The following ZNF713 variants were observed in gnomAD, a reference collection of about 807,000 sequenced individuals.
ZNF713 encodes zinc finger protein 713.
Under a neutral mutation model 28.7 loss-of-function variants are expected in ZNF713, and 21 were observed. That is an observed-to-expected ratio of 0.73 (90% CI 0.52 to 1.05). ZNF713 has a LOEUF of 1.05. Ranked by LOEUF, ZNF713 falls within the 50% of genes least tolerant of loss-of-function variation. The pLI is 0.00. For missense variants in ZNF713, 458 were observed against 532.4 expected, an observed-to-expected ratio of 0.86 and a Z score of 1.37; for synonymous variants, 167 against 178.0, an observed-to-expected ratio of 0.94 and a Z score of 0.49.
At chr7:55,895,084 T>C (rs1785449427) in intron 1 of ZNF713, among the ~76,000 whole-genome samples, 1 of 152,138 alleles carries the variant, frequency 6.6e-6, no homozygotes. Context: ...GGTATTTCCA[T>C]GGTAGAGAGG....
chr7:55,934,952 G>A (rs111670187), intron 6 of ZNF713, among the ~76,000 whole-genome samples: 22 of 147,058 alleles, frequency 1.5e-4, no homozygotes, highest in African/African-American at 4.8e-4. Context: ...GCAGTGGCAC[G>A]ATCTTGGCTC....
At chr7:55,889,144 C>T (rs1363439780) in intron 1 of ZNF713, among the ~76,000 whole-genome samples, 5 of 151,336 alleles carry the variant, frequency 3.3e-5, no homozygotes, top group African/African-American at 1.2e-4. Flanking sequence ...TCCTGTTGCC[C>T]AGGCTGGAGT....
Position 55,941,789 on chromosome 7 carries a change from G to A in ZNF713, c.*1783G>A, listed in dbSNP as rs1295777941. 2.6e-5 allele frequency: 4 copies of A among 151,952 alleles called. No homozygotes were observed. Among genetic ancestry groups the A allele is most frequent in the South Asian group, 2.1e-4 (1 of 4,820 alleles). 9.4% of individuals were successfully genotyped at this position (151,952 alleles called of 1,614,324 possible). A position where few individuals can be genotyped will look rare whatever the true frequency, so the allele number is the denominator to read the frequency against. Reference sequence around the variant, plus strand: ...TGTCCCCCCAAAAATCTTGTGTGCCGTTGTTTGAGAAACAGTGTGATAGTT... The same window carrying A: ...TGTCCCCCCAAAAATCTTGTGTGCCATTGTTTGAGAAACAGTGTGATAGTT... On this transcript the variant is annotated 3_prime_UTR_variant, in exon 7 of 7. Coordinates refer to ENST00000429591, the MANE Select transcript of ZNF713 (RefSeq NM_182633.3).
At chr7:55,933,970 G>T (rs1051957156) in intron 6 of ZNF713, among the ~76,000 whole-genome samples, 34 of 152,302 alleles carry the variant, frequency 2.2e-4, no homozygotes, top group African/African-American at 7.9e-4. Context: ...CTCCCAAAGT[G>T]CTGGGATTAC....
chr7:55,892,080 C>A (rs1438172405), intron 1 of ZNF713, among the ~76,000 whole-genome samples: 1 of 151,718 alleles, frequency 6.6e-6, no homozygotes, highest in East Asian at 2.0e-4. Flanking sequence ...GAGATCGAGA[C>A]CATCCTGGCT....
At chr7:55,919,513 T>TTTTTTGTTTTTTG (rs1785950523) in intron 4 of ZNF713, among the ~76,000 whole-genome samples, 6 of 94,486 alleles carry the variant, frequency 6.4e-5, no homozygotes, top group Admixed American at 1.1e-4. Flanking sequence ...TTTTTTTTTT[T>TTTTTTGTTTTTTG]TTTTTTTTTT....
At chr7:55,908,077 C>T (rs1199768477) in intron 2 of ZNF713, among the ~76,000 whole-genome samples, 1 of 151,198 alleles carries the variant, frequency 6.6e-6, no homozygotes, top group Admixed American at 6.6e-5. Flanking sequence ...AATTTACATT[C>T]CCACCAGCAG....
Position 55,887,645 on chromosome 7 carries a change from G to GCGGCGGCGGC in ZNF713, c.-618_-617insCGGCGGCGGC, listed in dbSNP as rs1562730825. 2.7e-5 allele frequency: 5 copies of GCGGCGGCGGC among 182,616 alleles called. No individual in the cohort carries two copies. The highest frequency in any genetic ancestry group is 6.5e-5 in the Admixed American group (1 of 15,476). 11.3% of individuals were successfully genotyped at this position (182,616 alleles called of 1,614,324 possible). On this transcript the variant is annotated 5_prime_UTR_variant, in exon 1 of 7. Transcript: ENST00000429591. ...CGGCGGCGGCGGCGGCGGCGTCAGGGGGCGGAGCCTGCCGAAGCGCCCTTT... is the reference window on the plus strand; with the variant it reads ...CGGCGGCGGCGGCGGCGGCGTCAGGGCGGCGGCGGCGGCGGAGCCTGCCGAAGCGCCCTTT...
intron 1 of ZNF713, among the ~76,000 whole-genome samples, chr7:55,903,556 A>T (rs1019080904): frequency 1.3e-5 from 2 of 151,704 alleles, no homozygotes; most frequent in African/African-American, 2.4e-5. Context: ...AATCCCAGCC[A>T]CTTGGGAGGC....
chr7:55,919,637 C>G (rs978627289), intron 4 of ZNF713, among the ~76,000 whole-genome samples: 1 of 151,520 alleles, frequency 6.6e-6, no homozygotes, highest in African/African-American at 2.4e-5. Flanking sequence ...TCCCGAGTAG[C>G]TGGGACTACA....
At position 55,914,869 on chromosome 7, in the gene ZNF713, T is replaced by A. The variant is rs117209071; in HGVS notation, c.87+2146T>A. Among the ~76,000 whole-genome samples the A allele has an allele frequency of 3.0e-3, 459 of 152,268 alleles. 9 individuals are homozygous for A. In the South Asian group the frequency reaches 0.041, roughly 14 times the overall value. On this transcript the variant is annotated intron_variant, in intron 4 of 6. Transcript: ENST00000429591. ...GGTTTATTTTATTTTATTTTATTTT[T>A]TTTGAGACAGAGACTTACTGTGTCA...
At chr7:55,903,972 C>A (rs894371421) in intron 1 of ZNF713, among the ~76,000 whole-genome samples, 1 of 152,050 alleles carries the variant, frequency 6.6e-6, no homozygotes, top group Non-Finnish European at 1.5e-5. Context: ...CTGATATGAT[C>A]AGGTTTTTGT....
At chr7:55,922,352 A>G (rs1786007860) in intron 4 of ZNF713, among the ~76,000 whole-genome samples, 1 of 150,744 alleles carries the variant, frequency 6.6e-6, no homozygotes, top group Non-Finnish European at 1.5e-5. Context: ...CATCCTGGTC[A>G]ACCAACATGG....
In ZNF713 at chr7:55,913,971, C is replaced by T. The variant is rs759850601; in HGVS notation, c.87+1248C>T. Reference sequence around the variant, plus strand: ...ACTAAAAATACAAAAATTAGCCAGGCGTGGTGGCAGGTTCCTGTAGTCCCA... The same window carrying T: ...ACTAAAAATACAAAAATTAGCCAGGTGTGGTGGCAGGTTCCTGTAGTCCCA... On this transcript the variant is annotated intron_variant, in intron 4 of 6. Coordinates refer to ENST00000429591, the MANE Select transcript of ZNF713 (RefSeq NM_182633.3). Among the ~76,000 whole-genome samples the T allele has an allele frequency of 5.7e-4, 87 of 151,830 alleles. 1 individual carries two copies. The highest frequency in any genetic ancestry group is 1.9e-3 in the African/African-American group (77 of 41,318).
chr7:55,919,591 C>T (rs1354871449), intron 4 of ZNF713, among the ~76,000 whole-genome samples: 1 of 148,114 alleles, frequency 6.8e-6, no homozygotes, highest in Non-Finnish European at 1.5e-5. Flanking sequence ...CTGCAACCTC[C>T]ACCTCCCGGG....
chr7:55,895,856 G>T (rs1232088972), intron 1 of ZNF713, among the ~76,000 whole-genome samples: 1 of 152,038 alleles, frequency 6.6e-6, no homozygotes, highest in Non-Finnish European at 1.5e-5. Flanking sequence ...ATTATTCCTA[G>T]TTTTATAGAT....
chr7:55,927,815 T>C (rs1218242364), intron 6 of ZNF713, among the ~76,000 whole-genome samples: 1 of 139,346 alleles, frequency 7.2e-6, no homozygotes, highest in Non-Finnish European at 1.5e-5. Flanking sequence ...GAGAATCGCT[T>C]GAACCCCGGA....
chr7:55,935,568 A>G (rs1477642126), intron 6 of ZNF713, among the ~76,000 whole-genome samples: 9 of 152,150 alleles, frequency 5.9e-5, no homozygotes. Context: ...CTGCATATCA[A>G]AGTAGGTGTA....
At chr7:55,896,828 A>G (rs1383087913) in intron 1 of ZNF713, among the ~76,000 whole-genome samples, 1 of 152,120 alleles carries the variant, frequency 6.6e-6, no homozygotes, top group Non-Finnish European at 1.5e-5. Flanking sequence ...GGTTGATTCC[A>G]GGGCTGGGCA....
Sources: gnomAD v4.1 joint callset for allele counts (sites outside exome capture counted in the v4.1 genomes callset) on GRCh38, gnomAD v4.1.1 for gene constraint, MANE v1.5 for transcripts, NCBI Gene and HGNC (gene_info 2026-07-23, HGNC 2026-07-21) for gene names.